ZFPM2: variants seen among roughly 807,000 people sequenced by gnomAD.
The protein encoded by ZFPM2 is zinc finger protein ZFPM2.
Under a neutral mutation model 98.6 loss-of-function variants are expected in ZFPM2, and 20 were observed. The observed-to-expected ratio is 0.20, with a 90% CI of 0.14 to 0.29. ZFPM2 has a LOEUF of 0.29. Ranked by LOEUF, ZFPM2 falls within the 10% of genes least tolerant of loss-of-function variation. The pLI, the probability that ZFPM2 is intolerant of heterozygous loss-of-function variation, is 1.00. For synonymous variants in ZFPM2, 518 were observed against 502.7 expected, an observed-to-expected ratio of 1.03 and a Z score of -0.41; for missense variants, 1,310 against 1,388.6, an observed-to-expected ratio of 0.94 and a Z score of 0.90.
chr8:105,601,632 C>T (rs1816094679), intron 4 of ZFPM2, among the ~76,000 whole-genome samples: 1 of 151,942 alleles, frequency 6.6e-6, no homozygotes, highest in Non-Finnish European at 1.5e-5. Context: ...CTTTTGTTCC[C>T]CCTATTTTTC....
chr8:105,750,160 T>A (rs373914910), intron 5 of ZFPM2, among the ~76,000 whole-genome samples: 33 of 152,194 alleles, frequency 2.2e-4, no homozygotes, highest in African/African-American at 7.7e-4. Context: ...CAGACTGAAT[T>A]ACCTACATTT....
intron 1 of ZFPM2, among the ~76,000 whole-genome samples, chr8:105,408,270 A>G (rs1175094452): frequency 6.6e-5 from 10 of 151,908 alleles, no homozygotes; most frequent in Non-Finnish European, 1.0e-4. Context: ...TTAATGTGCT[A>G]GTATAAAGTA....
intron 3 of ZFPM2, among the ~76,000 whole-genome samples, chr8:105,487,266 C>A (rs1813248309): frequency 6.6e-6 from 1 of 152,070 alleles, no homozygotes. Flanking sequence ...TACAGGTGTG[C>A]ACCACCATGC....
intron 4 of ZFPM2, among the ~76,000 whole-genome samples, chr8:105,581,924 T>A (rs1173168975): frequency 1.3e-5 from 2 of 152,184 alleles, no homozygotes; most frequent in African/African-American, 4.8e-5. Flanking sequence ...TGTGATCTTA[T>A]CCCAACCTAT....
At chr8:105,554,798 G>A (rs1417859931) in intron 3 of ZFPM2, among the ~76,000 whole-genome samples, 2 of 152,076 alleles carry the variant, frequency 1.3e-5, no homozygotes, top group Non-Finnish European at 2.9e-5. Flanking sequence ...GGTGAATTCA[G>A]GTGAAGCATG....
intron 5 of ZFPM2, among the ~76,000 whole-genome samples, chr8:105,691,863 A>T (rs1333398390): frequency 6.6e-6 from 1 of 152,028 alleles, no homozygotes; most frequent in Non-Finnish European, 1.5e-5. Flanking sequence ...ATCTCATACA[A>T]CTCTTGTGAA....
At chr8:105,627,559 A>C (rs1345948381) in intron 4 of ZFPM2, among the ~76,000 whole-genome samples, 1 of 152,226 alleles carries the variant, frequency 6.6e-6, no homozygotes, top group Non-Finnish European at 1.5e-5. Flanking sequence ...CAATATTTCA[A>C]AATGGAAAAA....
chr8:105,739,132 CT>C (rs1812155653), intron 5 of ZFPM2, among the ~76,000 whole-genome samples: 1 of 151,994 alleles, frequency 6.6e-6, no homozygotes, highest in South Asian at 2.1e-4. Flanking sequence ...CTCAGTAACC[CT>C]TGAGATTGCA....
At chr8:105,788,034 T>C (rs1207312852) in intron 5 of ZFPM2, among the ~76,000 whole-genome samples, 2 of 152,208 alleles carry the variant, frequency 1.3e-5, no homozygotes, top group Admixed American at 6.5e-5. Context: ...ATGAGCCTTT[T>C]TGAAAAGGAT....
chr8:105,429,830 A>G (rs575242215), intron 2 of ZFPM2, among the ~76,000 whole-genome samples: 1 of 152,284 alleles, frequency 6.6e-6, no homozygotes, highest in African/African-American at 2.4e-5. Flanking sequence ...ATATCAAATT[A>G]TTAATAAAAG....
At chr8:105,594,940 A>G (rs1036657506) in intron 4 of ZFPM2, among the ~76,000 whole-genome samples, 1 of 152,152 alleles carries the variant, frequency 6.6e-6, no homozygotes, top group Non-Finnish European at 1.5e-5. Context: ...ATAGTATCAT[A>G]AGATGATTTC....
At chr8:105,656,582 G>A (rs1817289997) in intron 5 of ZFPM2, among the ~76,000 whole-genome samples, 1 of 152,148 alleles carries the variant, frequency 6.6e-6, no homozygotes, top group African/African-American at 2.4e-5. Context: ...GGCTTTATGG[G>A]ACAGAGAGGA....
chr8:105,372,143 C>T (rs570701280), intron 1 of ZFPM2, among the ~76,000 whole-genome samples: 33 of 151,884 alleles, frequency 2.2e-4, no homozygotes, highest in African/African-American at 7.0e-4. Flanking sequence ...GCTGGGTTCA[C>T]GCCATTCTCC....
At chr8:105,405,641 G>T (rs1811435493) in intron 1 of ZFPM2, among the ~76,000 whole-genome samples, 1 of 151,866 alleles carries the variant, frequency 6.6e-6, no homozygotes, top group Admixed American at 6.6e-5. Context: ...AGTATTCCAT[G>T]GTGTATATGT....
At chr8:105,517,218 G>A (rs1156975387) in intron 3 of ZFPM2, among the ~76,000 whole-genome samples, 3 of 152,100 alleles carry the variant, frequency 2.0e-5, no homozygotes, top group Admixed American at 1.3e-4. Flanking sequence ...AACAGTGGTC[G>A]AATCTTAAGT....
intron 3 of ZFPM2, chr8:105,451,621 G>A (rs1472195115): frequency 6.6e-6 from 1 of 152,158 alleles, no homozygotes; most frequent in Admixed American, 6.6e-5. Context: ...TACATGCCAA[G>A]GAAAGCTAAA....
chr8:105,545,946 T>C (rs1165866969), intron 3 of ZFPM2, among the ~76,000 whole-genome samples: 1 of 152,168 alleles, frequency 6.6e-6, no homozygotes, highest in Non-Finnish European at 1.5e-5. Context: ...TATCTAGAAA[T>C]GGAATGGGTG....
intron 5 of ZFPM2, among the ~76,000 whole-genome samples, chr8:105,766,224 G>A (rs893278136): frequency 2.0e-5 from 3 of 151,834 alleles, no homozygotes; most frequent in East Asian, 1.9e-4. Context: ...CCTGTTTTTC[G>A]TTAACTATGA....
chr8:105,453,997 T>C (rs1812537269), intron 3 of ZFPM2, among the ~76,000 whole-genome samples: 1 of 152,156 alleles, frequency 6.6e-6, no homozygotes, highest in African/African-American at 2.4e-5. Context: ...AATATCAATA[T>C]AACACATAAA....
Sources: allele counts gnomAD v4.1 joint callset (sites outside exome capture counted in the v4.1 genomes callset), GRCh38; gene constraint gnomAD v4.1.1; transcripts MANE v1.5; gene names NCBI Gene and HGNC (gene_info 2026-07-23, HGNC 2026-07-21).